The following CUBN variants were observed in gnomAD, a reference collection of about 807,000 sequenced individuals.
CUBN encodes the protein cubilin.
CUBN carries 282 observed loss-of-function variants against 405.3 expected under a neutral mutation model. The observed-to-expected ratio is 0.70, with a 90% confidence interval of 0.63 to 0.77. The LOEUF is 0.77. Ranked by LOEUF, CUBN falls within the 30% of genes least tolerant of loss-of-function variation. The pLI is 0.00. For missense variants in CUBN, 4,514 were observed against 4,475.2 expected (o/e 1.01, Z -0.25); for synonymous variants, 1,684 against 1,617.0 (o/e 1.04, Z -0.99).
In CUBN at chr10:17,105,487, T is replaced by C; in HGVS notation, c.1200A>G (p.Leu400=). The change falls in exon 11 of 67, where the codon CTA becomes CTG. Residue 400 remains leucine (L), a synonymous_variant. Coordinates refer to ENST00000377833, the MANE Select transcript of CUBN (RefSeq NM_001081.4). The part of the protein sequence containing the change: ...NGCVQLSNIC[L]SHPCLNGQCI... The stretch of plus-strand genomic sequence containing the variant: ...ATTGTCCATTTAGACAGGGGTGACT[T>C]AGGCAAATATTACTGAGCTGCACAC... 1.2e-6 allele frequency: 2 copies of C among 1,608,536 alleles called. No individual in the cohort carries two copies. The highest frequency in any genetic ancestry group is 1.7e-6 in the Non-Finnish European group (2 of 1,174,776).
At chr10:17,072,808 G>A (rs1339807534) in intron 17 of CUBN, among the ~76,000 whole-genome samples, 3 of 151,844 alleles carry the variant, frequency 2.0e-5, no homozygotes, top group South Asian at 2.1e-4. Flanking sequence ...TTTTTTAAAT[G>A]TGAAATCTAT....
At chr10:16,832,218 C>A (rs565411930) in intron 64 of CUBN, among the ~76,000 whole-genome samples, 2 of 152,154 alleles carry the variant, frequency 1.3e-5, no homozygotes, top group Non-Finnish European at 1.5e-5. Context: ...CTTACGGAAA[C>A]GTTACGCGGG....
At chr10:17,104,309 G>C (rs1836567374) in intron 12 of CUBN, 110 bp downstream of exon 12, 1 of 902,168 alleles carries the variant, frequency 1.1e-6, no homozygotes, top group Admixed American at 1.9e-5. Context: ...CTCAGTATCT[G>C]AGCAACTGGA....
Position 17,114,134 on chromosome 10 carries a change from G to T in CUBN, c.776C>A (p.Ala259Asp), listed in dbSNP as rs1344123355. 2 of 1,613,680 alleles carry T rather than the reference G, an allele frequency of 1.2e-6. No homozygotes were observed. The highest frequency in any genetic ancestry group is 1.7e-6 in the Non-Finnish European group (2 of 1,179,870). Residue 259 changes from alanine to aspartate, a missense_variant, in exon 8 of 67, where the codon GCC (alanine) becomes GAC (aspartate). Ala to Asp is a moderately radical substitution (Grantham distance 126, BLOSUM62 -2). Around this residue, in one of 5 missense-constraint regions of CUBN, gnomAD observed 1,448 missense variants for 1,388.0 expected, o/e 1.04. Coordinates refer to ENST00000377833, the MANE Select transcript of CUBN (RefSeq NM_001081.4). ...GCACTCGTCTCTGTCCAGCGTGCAG[G>T]CAGGGCTGTTGGGTGAAAACATCCA... The part of the protein sequence containing the change: ...AGWMFSPNSP[A>D]CTLDRDECSF...
chr10:16,997,634 T>TA (rs1165527601), intron 28 of CUBN, among the ~76,000 whole-genome samples: 1 of 151,852 alleles, frequency 6.6e-6, no homozygotes, highest in Admixed American at 6.6e-5. Flanking sequence ...CTATGAAACA[T>TA]AAAAAAACGT....
chr10:17,123,811 A>G, intron 4 of CUBN, 122 bp from the exon 5 acceptor site: 1 of 686,232 alleles, frequency 1.5e-6, no homozygotes, highest in Non-Finnish European at 2.7e-6. Context: ...CTACACTTTA[A>G]AGCCATTACT....
rs1310132800 is a variant in CUBN, at chr10:16,828,918, T to C, written c.10651A>G (p.Ile3551Val). Residue 3551 changes from isoleucine to valine, a missense_variant, in exon 66 of 67, where the codon ATC becomes GTC. Physicochemically the swap from Ile to Val is conservative, Grantham distance 29. This residue lies in a region of CUBN where 1,186 missense variants were observed against 1,186.9 expected (regional missense o/e 1.00). Transcript: ENST00000377833. ...LVAPAGRLVT[I>V]NFYFISIDDP... is the part of the protein sequence containing the mutation. ...TCAATGCTGATGAAGTAGAAGTTGA[T>C]GGTGACAAGCCTTCCAGCAGGAGCA... 1.2e-6 allele frequency: 2 copies of C among 1,613,994 alleles called. No homozygotes were observed. The highest frequency in any genetic ancestry group is 2.7e-5 in the African/African-American group (2 of 74,890).
At chr10:17,005,205 C>T (rs569911549) in intron 28 of CUBN, among the ~76,000 whole-genome samples, 2 of 152,304 alleles carry the variant, frequency 1.3e-5, no homozygotes, top group Middle Eastern at 3.4e-3. Flanking sequence ...TTTCTGATAA[C>T]GTGTCCTGCG....
At chr10:16,928,918 G>A (rs1842288131) in intron 40 of CUBN, among the ~76,000 whole-genome samples, 1 of 151,838 alleles carries the variant, frequency 6.6e-6, no homozygotes, top group African/African-American at 2.4e-5. Context: ...ATTGGGAAGC[G>A]ATGGAGACCC....
intron 35 of CUBN, among the ~76,000 whole-genome samples, chr10:16,948,118 A>C (rs981859471): frequency 6.6e-6 from 1 of 152,240 alleles, no homozygotes; most frequent in Non-Finnish European, 1.5e-5. Context: ...CTGAGGCAGG[A>C]GAATCGCTTG....
chr10:16,873,525 C>A lies in CUBN; in HGVS notation c.9236+849G>T, dbSNP rs145327082. Reference sequence around the variant, plus strand: ...TCACTTGAGGTCAGGAGTTCGAGACCAGCATGACCAACATGGTGAAACCCC... The same window carrying A: ...TCACTTGAGGTCAGGAGTTCGAGACAAGCATGACCAACATGGTGAAACCCC... On this transcript the variant is annotated intron_variant, in intron 58 of 66. Coordinates refer to ENST00000377833, the MANE Select transcript of CUBN (RefSeq NM_001081.4). Among the ~76,000 whole-genome samples the A allele has an allele frequency of 7.3e-3, 1,105 of 152,052 alleles. 10 individuals are homozygous for A. Among genetic ancestry groups the A allele is most frequent in the African/African-American group, 0.025 (1,029 of 41,504 alleles).
intron 55 of CUBN, 114 bp downstream of exon 55, chr10:16,890,257 T>C: frequency 1.1e-6 from 1 of 948,352 alleles, no homozygotes; most frequent in Non-Finnish European, 1.7e-6. Context: ...TGACTCATCC[T>C]CCCCGTAGAC....
chr10:16,925,212 C>A (rs1842148107), intron 43 of CUBN, 29 bp downstream of exon 43: 2 of 1,576,986 alleles, frequency 1.3e-6, no homozygotes, highest in South Asian at 2.2e-5. Flanking sequence ...GCAGGAAAAG[C>A]AGATATAATT....
chr10:16,898,066 G>GTGTATATATATA (rs1554789718), intron 54 of CUBN, among the ~76,000 whole-genome samples: 5 of 145,032 alleles, frequency 3.4e-5, no homozygotes, highest in African/African-American at 1.3e-4. Context: ...TTTATTATAT[G>GTGTATATATATA]TATATATATA....
At chr10:16,920,584 A>G (rs183402607) in intron 43 of CUBN, among the ~76,000 whole-genome samples, 2 of 152,324 alleles carry the variant, frequency 1.3e-5, no homozygotes, top group African/African-American at 4.8e-5. Flanking sequence ...CAACTCGGGG[A>G]GCATTCATTC....
At chr10:17,009,551 G>A (rs1834121438) in intron 28 of CUBN, among the ~76,000 whole-genome samples, 1 of 152,220 alleles carries the variant, frequency 6.6e-6, no homozygotes, top group Non-Finnish European at 1.5e-5. Flanking sequence ...GCCTGGAGGG[G>A]AGAGGAAGCA....
At chr10:17,070,188 G>T (rs1218198070) in intron 19 of CUBN, among the ~76,000 whole-genome samples, 2 of 152,158 alleles carry the variant, frequency 1.3e-5, no homozygotes, top group African/African-American at 2.4e-5. Context: ...AAAAGTATGT[G>T]TTCACTTCTG....
intron 27 of CUBN, among the ~76,000 whole-genome samples, chr10:17,031,456 G>A (rs1834786309): frequency 1.3e-5 from 2 of 152,168 alleles, no homozygotes; most frequent in Non-Finnish European, 2.9e-5. Flanking sequence ...AGACACTAAG[G>A]AACTTGCCCA....
rs1171220456 is a variant in CUBN at position 16,939,138 on chromosome 10, T to G, written c.5558A>C (p.Asn1853Thr). Reference protein sequence around the residue: ...FQATFMKIFGNDNIVGTHGKV... With the variant: ...FQATFMKIFGTDNIVGTHGKV... Reference sequence around the variant, plus strand: ...CCCATGAGTTCCCACAATATTATCATTGCCAAATACTAGGAGGGAAGACAG... The same window carrying G: ...CCCATGAGTTCCCACAATATTATCAGTGCCAAATACTAGGAGGGAAGACAG... Residue 1853 changes from asparagine (N) to threonine (T), a missense_variant, in exon 38 of 67, where the codon AAT becomes ACT. Asn to Thr is a moderately conservative substitution (Grantham distance 65). Around this residue, in one of 5 missense-constraint regions of CUBN, gnomAD observed 1,613 missense variants for 1,542.8 expected, o/e 1.05. Transcript: ENST00000377833. The G allele has an allele frequency of 6.2e-7, 1 of 1,613,312 alleles. No individual in the cohort carries two copies. Among genetic ancestry groups the G allele is most frequent in the Non-Finnish European group, 8.5e-7 (1 of 1,179,430 alleles).
Sources: gnomAD v4.1 joint callset for allele counts (sites outside exome capture counted in the v4.1 genomes callset) on GRCh38, gnomAD v4.1.1 for gene constraint, gnomAD v4.1.1 regional missense constraint, MANE v1.5 for transcripts, NCBI Gene and HGNC (gene_info 2026-07-23, HGNC 2026-07-21) for gene names.